PAX5: variants seen among roughly 807,000 people sequenced by gnomAD.
PAX5 encodes paired box protein Pax-5.
PAX5 carries 9 observed loss-of-function variants against 43.7 expected under a neutral mutation model. That is an observed-to-expected ratio of 0.21 (90% CI 0.12 to 0.36). The LOEUF is 0.36. Ranked by LOEUF, PAX5 falls within the 10% of genes least tolerant of loss-of-function variation. PAX5 has a pLI of 1.00. For missense variants in PAX5, 383 were observed against 532.7 expected (o/e 0.72, Z 2.77); for synonymous variants, 228 against 214.3 (o/e 1.06, Z -0.56).
At chr9:36,873,632 G>C (rs1414756295) in intron 8 of PAX5, among the ~76,000 whole-genome samples, 1 of 152,182 alleles carries the variant, frequency 6.6e-6, no homozygotes, top group Non-Finnish European at 1.5e-5. Flanking sequence ...AAGAACAAAG[G>C]CTGTTCTTTC....
intron 5 of PAX5, among the ~76,000 whole-genome samples, chr9:37,001,832 T>TTC (rs1837887548): frequency 6.7e-6 from 1 of 149,686 alleles, no homozygotes; most frequent in Non-Finnish European, 1.5e-5. Context: ...TTTTTTTTTT[T>TTC]TTCTTTTCCT....
chr9:36,882,054 G>A lies in PAX5; in HGVS notation c.962C>T (p.Pro321Leu), dbSNP rs577863510. Residue 321 changes from proline (P) to leucine (L), a missense_variant, in exon 8 of 10, where the codon CCC (proline) becomes CTC (leucine). By Grantham distance (98) the Pro-to-Leu change is moderately conservative (BLOSUM62 -3). This residue lies in a region of PAX5 where 291 missense variants were observed against 342.5 expected (regional missense o/e 0.85). Transcript: ENST00000358127. This position sits in a 1 kb window ranked among gnomAD's most constrained non-coding sequence, Gnocchi z 4.4. The stretch of plus-strand genomic sequence containing the variant: ...TGCTGAGTAGCTGCCCTGTCCAGCG[G>A]GGGGGACGTGTGGAGGGTACCCGGG... ...TLPGYPPHVP[P>L]AGQGSYSAPT... is the part of the protein sequence containing the mutation. 2 of 1,612,110 alleles carry A rather than the reference G, an allele frequency of 1.2e-6. No individual in the cohort carries two copies. Among genetic ancestry groups the A allele is most frequent in the Non-Finnish European group, 1.7e-6 (2 of 1,178,716 alleles).
chr9:36,916,510 G>A (rs1398493649), intron 7 of PAX5, among the ~76,000 whole-genome samples: 1 of 152,114 alleles, frequency 6.6e-6, no homozygotes, highest in Non-Finnish European at 1.5e-5. Context: ...TGAATTAATA[G>A]GTTACTTCGG....
intron 5 of PAX5, 43 bp from the exon 6 acceptor site, chr9:36,966,767 A>T (rs1379513457): frequency 6.3e-7 from 1 of 1,575,662 alleles, no homozygotes; most frequent in African/African-American, 1.3e-5. Flanking sequence ...GAGGTTATAC[A>T]CGTTGCTAAA....
chr9:36,841,320 G>C (rs1241135585), intron 9 of PAX5, among the ~76,000 whole-genome samples: 4 of 152,170 alleles, frequency 2.6e-5, no homozygotes, highest in Non-Finnish European at 5.9e-5. Flanking sequence ...AAACCTATGG[G>C]GTAGGCACAG....
chr9:36,886,099 G>A (rs1826882951), intron 7 of PAX5, among the ~76,000 whole-genome samples: 2 of 151,970 alleles, frequency 1.3e-5, no homozygotes, highest in Admixed American at 6.6e-5. Flanking sequence ...AAGGAGAGGG[G>A]GCACATGTGG....
At chr9:36,864,319 C>T (rs1163959510) in intron 8 of PAX5, 1 of 154,394 alleles carries the variant, frequency 6.5e-6, no homozygotes, top group African/African-American at 2.4e-5. Context: ...CTCAGCCTCC[C>T]TAATTCTCCA....
chr9:36,963,067 T>C (rs371173464), intron 6 of PAX5, among the ~76,000 whole-genome samples: 26 of 152,344 alleles, frequency 1.7e-4, no homozygotes, highest in Middle Eastern at 3.4e-3. Flanking sequence ...CACGAGGGTA[T>C]GTCATTCATA....
chr9:36,941,804 T>C (rs1832078279), intron 6 of PAX5, among the ~76,000 whole-genome samples: 1 of 151,166 alleles, frequency 6.6e-6, no homozygotes, highest in Non-Finnish European at 1.5e-5. Flanking sequence ...GGGGTGGGAC[T>C]GAGATGGAGA....
chr9:36,981,432 G>A (rs1835923875), intron 5 of PAX5, among the ~76,000 whole-genome samples: 1 of 21,036 alleles, frequency 4.8e-5, no homozygotes, highest in Non-Finnish European at 1.1e-4. Flanking sequence ...CACTGAAACT[G>A]GCAAAAAAAA....
chr9:36,860,474 T>C (rs1457052417), intron 8 of PAX5, among the ~76,000 whole-genome samples: 1 of 152,010 alleles, frequency 6.6e-6, no homozygotes, highest in Non-Finnish European at 1.5e-5. Context: ...GTGACGCCAA[T>C]GTACAGCAAG....
chr9:36,964,784 C>T (rs755908543), intron 6 of PAX5, among the ~76,000 whole-genome samples: 2 of 152,086 alleles, frequency 1.3e-5, no homozygotes, highest in Non-Finnish European at 2.9e-5. Context: ...AACAGACTCT[C>T]CTCCCTGAAG....
intron 6 of PAX5, among the ~76,000 whole-genome samples, chr9:36,924,960 A>G (rs953439102): frequency 2.0e-5 from 3 of 151,910 alleles, no homozygotes; most frequent in Admixed American, 6.6e-5. Context: ...GGACACACCC[A>G]TGTTGGTCCA....
Position 36,938,400 on chromosome 9 carries a change from C to T in PAX5, c.781-14916G>A, listed in dbSNP as rs138721806. Among the ~76,000 whole-genome samples, 4 of 152,292 alleles carry T rather than the reference C, an allele frequency of 2.6e-5. No individual in the cohort carries two copies. The East Asian group carries it at 7.7e-4, about 29-fold the overall frequency. Reference sequence around the variant, plus strand: ...AATAATTTCTTCTCCCTTACACACACACATATATTAATTTAGACTCCTGAT... The same window carrying T: ...AATAATTTCTTCTCCCTTACACACATACATATATTAATTTAGACTCCTGAT... On this transcript the variant is annotated intron_variant, in intron 6 of 9. Transcript: ENST00000358127.
At chr9:36,924,984 GTCA>G (rs911842774) in intron 6 of PAX5, among the ~76,000 whole-genome samples, 1 of 152,042 alleles carries the variant, frequency 6.6e-6, no homozygotes, top group African/African-American at 2.4e-5. Flanking sequence ...TTATGTCCTT[GTCA>G]GGGAGGGACA....
intron 6 of PAX5, among the ~76,000 whole-genome samples, chr9:36,924,417 T>C (rs1316335247): frequency 6.6e-6 from 1 of 152,060 alleles, no homozygotes; most frequent in Non-Finnish European, 1.5e-5. Flanking sequence ...GGGCCTATTT[T>C]CAGGTAAAGA....
intron 6 of PAX5, among the ~76,000 whole-genome samples, chr9:36,961,107 C>T (rs555876948): frequency 1.3e-5 from 2 of 152,324 alleles, no homozygotes; most frequent in East Asian, 1.9e-4. Flanking sequence ...AGCCCTTTTT[C>T]TGCCTCATGG....
At chr9:36,884,136 C>A (rs192109589) in intron 7 of PAX5, among the ~76,000 whole-genome samples, 12 of 152,288 alleles carry the variant, frequency 7.9e-5, no homozygotes, top group Admixed American at 7.2e-4. Context: ...CTAAGGAAAT[C>A]TTCCCAATTC....
chr9:36,924,703 G>C (rs546352018), intron 6 of PAX5, among the ~76,000 whole-genome samples: 3 of 135,936 alleles, frequency 2.2e-5, no homozygotes, highest in Non-Finnish European at 4.6e-5. Flanking sequence ...TTGGGTGACA[G>C]AGCAAGACTC....
Sources: gnomAD v4.1 joint callset for allele counts (sites outside exome capture counted in the v4.1 genomes callset) on GRCh38, gnomAD v4.1.1 for gene constraint, gnomAD v4.1.1 regional missense constraint, Gnocchi (gnomAD v3.1) non-coding constraint, MANE v1.5 for transcripts, NCBI Gene and HGNC (gene_info 2026-07-23, HGNC 2026-07-21) for gene names.